AK5: variants seen among roughly 807,000 people sequenced by gnomAD.
AK5 encodes the protein adenylate kinase isoenzyme 5.
Under a neutral mutation model 69.5 loss-of-function variants are expected in AK5, and 27 were observed. The ratio of observed to expected loss-of-function variants is 0.39; its 90% CI spans 0.29 to 0.54. The LOEUF is 0.54. AK5 is among the 20% of genes least tolerant of loss of function. The probability of loss-of-function intolerance (pLI) is 0.71; values close to 1 mark genes in which losing one functional copy is unlikely to be tolerated. For missense variants in AK5, 531 were observed against 700.4 expected (o/e 0.76, Z 2.73); for synonymous variants, 260 against 244.4 (o/e 1.06, Z -0.60).
At chr1:77,301,575 C>T (rs1468565710) in intron 5 of AK5, among the ~76,000 whole-genome samples, 5 of 152,194 alleles carry the variant, frequency 3.3e-5, no homozygotes, top group Admixed American at 3.3e-4. Flanking sequence ...AATGTACTCA[C>T]TCACTCCCCA....
chr1:77,287,853 TG>T (rs1658449591), intron 2 of AK5, among the ~76,000 whole-genome samples: 1 of 152,234 alleles, frequency 6.6e-6, no homozygotes, highest in Admixed American at 6.5e-5. Flanking sequence ...TATGAATGGT[TG>T]AAGTACAGCT....
chr1:77,477,508 C>T (rs1038781190), intron 8 of AK5, among the ~76,000 whole-genome samples: 15 of 152,146 alleles, frequency 9.9e-5, no homozygotes, highest in Non-Finnish European at 1.9e-4. Flanking sequence ...TAGGAAAATC[C>T]TCATATGCTA....
At chr1:77,419,972 C>T (rs9633480) in intron 8 of AK5, among the ~76,000 whole-genome samples, 23,861 of 151,862 alleles carry the variant, frequency 0.16, 1,995 homozygotes, top group African/African-American at 0.2. Context: ...AATTGGACAC[C>T]GACTGTGTGC....
Position 77,344,252 on chromosome 1 carries a change from T to G in AK5, c.891+3684T>G, listed in dbSNP as rs185090682. On this transcript the variant is annotated intron_variant, in intron 6 of 13. Coordinates refer to ENST00000354567, the MANE Select transcript of AK5 (RefSeq NM_174858.3). ...CATTACATGGACTTCTTCATTTTTG[T>G]TCTTGTATTATACATGTCCATATGC... Among the ~76,000 whole-genome samples the G allele has an allele frequency of 3.1e-3, 465 of 152,342 alleles. 4 individuals are homozygous for G. Among genetic ancestry groups the G allele is most frequent in the African/African-American group, 0.011 (449 of 41,578 alleles).
chr1:77,527,556 TA>T (rs1414934400), intron 12 of AK5, among the ~76,000 whole-genome samples: 4 of 152,186 alleles, frequency 2.6e-5, no homozygotes, highest in African/African-American at 9.7e-5. Flanking sequence ...AACACACAGG[TA>T]ACACATTTCA....
At position 77,287,115 on chromosome 1, in the gene AK5, TTTC is replaced by T; in HGVS notation, c.237_239del (p.Phe79del). Reference sequence around the variant, plus strand: ...AAATGGAGGACAGTCACGGAGATCCTTTCTAAGAAATGGTAATGTATATGGAGA... The same window carrying T: ...AAATGGAGGACAGTCACGGAGATCCTTAAGAAATGGTAATGTATATGGAGA... On this transcript the variant is annotated inframe_deletion, in exon 2 of 14. Transcript: ENST00000354567. The T allele has an allele frequency of 6.4e-7, 1 of 1,560,850 alleles. No homozygotes were observed. The highest frequency in any genetic ancestry group is 8.7e-7 in the Non-Finnish European group (1 of 1,153,634).
rs56019139 is a variant in AK5, at chr1:77,438,294, C to CAAA, written c.1059+20607_1059+20609dup. Among the ~76,000 whole-genome samples, 18 of 52,788 alleles carry CAAA rather than the reference C, an allele frequency of 3.4e-4. 1 individual carries two copies. The highest frequency in any genetic ancestry group is 7.8e-4 in the South Asian group (1 of 1,278). The allele number at this position is 52,788 out of a possible 152,430, so 34.6% of individuals were successfully genotyped here. ...TTTTGTTTTAACCCTATATTTGGTA[C>CAAA]AAAAAAAAAAAAAAAAAAAAAAAAA... is the stretch of plus-strand genomic sequence containing the variant. On this transcript the variant is annotated intron_variant, in intron 8 of 13. Coordinates refer to ENST00000354567, the MANE Select transcript of AK5 (RefSeq NM_174858.3).
Position 77,337,901 on chromosome 1 carries a change from C to T in AK5, c.700-2476C>T, listed in dbSNP as rs866605380. On this transcript the variant is annotated intron_variant, in intron 5 of 13. Transcript: ENST00000354567. ...GCTCCTAATCACCTTTCCTAGCATACGCCTGTGCTTACACAGTGGCAATGA... is the reference window on the plus strand; with the variant it reads ...GCTCCTAATCACCTTTCCTAGCATATGCCTGTGCTTACACAGTGGCAATGA... 3.3e-5 allele frequency among the ~76,000 whole-genome samples: 5 copies of T among 152,118 alleles called. No homozygotes were observed. The South Asian group carries it at 6.2e-4, about 19-fold the overall frequency.
chr1:77,359,526 G>A (rs572740094), intron 6 of AK5, among the ~76,000 whole-genome samples: 2 of 149,792 alleles, frequency 1.3e-5, no homozygotes, highest in African/African-American at 4.9e-5. Context: ...CATGTATACT[G>A]TTGATAATCT....
chr1:77,468,580 T>A (rs933820914), intron 8 of AK5, among the ~76,000 whole-genome samples: 5 of 152,248 alleles, frequency 3.3e-5, no homozygotes, highest in African/African-American at 1.2e-4. Context: ...TGCTTTTCTG[T>A]CCTGAGCCTC....
At chr1:77,292,512 G>A (rs909622558) in intron 2 of AK5, among the ~76,000 whole-genome samples, 5 of 152,156 alleles carry the variant, frequency 3.3e-5, no homozygotes, top group African/African-American at 1.2e-4. Flanking sequence ...AAGGGCAGGT[G>A]GCCTCCTGTT....
At chr1:77,517,407 C>T (rs926970467) in intron 10 of AK5, among the ~76,000 whole-genome samples, 3 of 152,144 alleles carry the variant, frequency 2.0e-5, no homozygotes, top group African/African-American at 7.2e-5. Context: ...GAGTCAGAGC[C>T]CAGGCTTCAA....
chr1:77,393,973 G>A (rs577955625), intron 6 of AK5, among the ~76,000 whole-genome samples: 5 of 152,104 alleles, frequency 3.3e-5, no homozygotes, highest in Non-Finnish European at 7.3e-5. Context: ...CCAGCACTTT[G>A]GGAGGTTGAG....
chr1:77,370,678 G>A (rs1365239919), intron 6 of AK5, among the ~76,000 whole-genome samples: 2 of 152,170 alleles, frequency 1.3e-5, no homozygotes, highest in African/African-American at 4.8e-5. Flanking sequence ...TCTTGTACTG[G>A]AAAGTCACAG....
chr1:77,305,819 A>G (rs919525019), intron 5 of AK5, among the ~76,000 whole-genome samples: 5 of 152,166 alleles, frequency 3.3e-5, no homozygotes, highest in Non-Finnish European at 5.9e-5. Flanking sequence ...GGCTTTGGCT[A>G]TTCTGGGTCT....
intron 8 of AK5, among the ~76,000 whole-genome samples, chr1:77,464,857 G>C (rs1302026567): frequency 6.6e-6 from 1 of 152,088 alleles, no homozygotes; most frequent in Non-Finnish European, 1.5e-5. Flanking sequence ...GTGCAGCCAG[G>C]GGAGAAGCAG....
At chr1:77,430,859 T>G (rs1364698322) in intron 8 of AK5, among the ~76,000 whole-genome samples, 1 of 152,110 alleles carries the variant, frequency 6.6e-6, no homozygotes, top group East Asian at 1.9e-4. Context: ...AATTGAGAAC[T>G]TTACAAAGCG....
intron 5 of AK5, among the ~76,000 whole-genome samples, chr1:77,324,285 T>G (rs557723695): frequency 8.3e-6 from 1 of 120,414 alleles, no homozygotes; most frequent in South Asian, 3.5e-4. Flanking sequence ...ATTAATTAAG[T>G]GTGGAACATA....
At position 77,556,267 on chromosome 1, in the gene AK5, A is replaced by G. The variant is rs1331117087; in HGVS notation, c.1621-2335A>G. Among the ~76,000 whole-genome samples the G allele has an allele frequency of 3.5e-4, 53 of 152,250 alleles. 3 individuals are homozygous for G. Among genetic ancestry groups the G allele is most frequent in the Admixed American group, 3.4e-3 (52 of 15,292 alleles). ...CTGTCACAGCTTCCTTCCTCTCCCCAAGAAGTAACTCATGTCCTGGATTTC... is the reference window on the plus strand; with the variant it reads ...CTGTCACAGCTTCCTTCCTCTCCCCGAGAAGTAACTCATGTCCTGGATTTC... On this transcript the variant is annotated intron_variant, in intron 13 of 13. Transcript: ENST00000354567.
Sources: gnomAD v4.1 joint callset for allele counts (sites outside exome capture counted in the v4.1 genomes callset) on GRCh38, gnomAD v4.1.1 for gene constraint, MANE v1.5 for transcripts, NCBI Gene and HGNC (gene_info 2026-07-23, HGNC 2026-07-21) for gene names.